TG: variants seen among roughly 807,000 people sequenced by gnomAD.
TG encodes thyroid hormones.
TG carries 270 observed loss-of-function variants against 324.7 expected under a neutral mutation model. The ratio of observed to expected loss-of-function variants is 0.83; its 90% CI spans 0.75 to 0.92. The LOEUF (loss-of-function observed/expected upper bound fraction) is 0.92, where lower values mean the gene tolerates loss of function less well. Ranked by LOEUF, TG falls within the 40% of genes least tolerant of loss-of-function variation. TG has a pLI of 0.00. For missense variants in TG, 3,591 were observed against 3,456.4 expected (o/e 1.04, Z -0.98); for synonymous variants, 1,401 against 1,327.0 (o/e 1.06, Z -1.21).
intron 23 of TG, among the ~76,000 whole-genome samples, chr8:132,929,716 G>A (rs1205937656): frequency 6.6e-6 from 1 of 152,180 alleles, no homozygotes; most frequent in East Asian, 1.9e-4. Flanking sequence ...AAAGCCTGCA[G>A]TCTTTTTTTG....
intron 22 of TG, among the ~76,000 whole-genome samples, chr8:132,925,226 A>G (rs1228536780): frequency 6.6e-6 from 1 of 152,228 alleles, no homozygotes; most frequent in African/African-American, 2.4e-5. Flanking sequence ...TCTTGGTTCC[A>G]TAGTTAGGAT....
rs762221625 is a variant in TG, at chr8:132,923,413, A to G, written c.4604A>G (p.Asp1535Gly). 3.4e-5 allele frequency: 55 copies of G among 1,614,014 alleles called. No homozygotes were observed. The East Asian group carries it at 1.2e-3, about 35-fold the overall frequency. ...GGCCAGTATCGAGCCAGCCAGAAGG[A>G]CAGGGGCAGTGGGAAGGCCTTCTGT... ...QNGQYRASQKDRGSGKAFCVD... is the reference protein window; with the variant it reads ...QNGQYRASQKGRGSGKAFCVD... The change falls in exon 22 of 48, where the codon GAC becomes GGC. Residue 1535 changes from aspartate (D) to glycine (G), a missense_variant. Coordinates refer to ENST00000220616, the MANE Select transcript of TG (RefSeq NM_003235.5).
intron 26 of TG, among the ~76,000 whole-genome samples, chr8:132,944,201 G>A (rs750462403): frequency 1.3e-5 from 2 of 152,096 alleles, no homozygotes; most frequent in Non-Finnish European, 2.9e-5. Context: ...ATTTCCTGTT[G>A]CTCTCTTATT....
At chr8:133,020,394 C>T (rs1003775006) in intron 39 of TG, among the ~76,000 whole-genome samples, 10 of 152,166 alleles carry the variant, frequency 6.6e-5, no homozygotes, top group African/African-American at 1.7e-4. Context: ...GTCGTTGAGG[C>T]GGGAGCTGAG....
chr8:133,022,711 C>T (rs571954191), intron 40 of TG, among the ~76,000 whole-genome samples: 3 of 152,308 alleles, frequency 2.0e-5, no homozygotes, highest in African/African-American at 7.2e-5. Context: ...CCACTGACTC[C>T]TAGGGCTGAA....
At chr8:132,930,935 C>T (rs1328732273) in intron 23 of TG, among the ~76,000 whole-genome samples, 3 of 152,138 alleles carry the variant, frequency 2.0e-5, no homozygotes, top group Admixed American at 6.5e-5. Flanking sequence ...CAGAGCAATC[C>T]AAGACAAGCA....
At chr8:133,013,461 T>C (rs1834708699) in intron 36 of TG, 139 bp from the exon 37 acceptor site, 1 of 1,031,000 alleles carries the variant, frequency 9.7e-7, no homozygotes, top group Non-Finnish European at 1.5e-6. Context: ...ACGGATGGAT[T>C]CATGGATGCA....
chr8:132,943,481 T>A lies in TG; in HGVS notation c.5233+1939T>A, dbSNP rs550082039. On this transcript the variant is annotated intron_variant, in intron 26 of 47. Coordinates refer to ENST00000220616, the MANE Select transcript of TG (RefSeq NM_003235.5). ...TATAAATTACCCGGCCTCAGGTATT[T>A]CTCTATAGCATTGCTAGAACAGCCA... 9.9e-5 allele frequency among the ~76,000 whole-genome samples: 15 copies of A among 152,238 alleles called. No individual in the cohort carries two copies. In the East Asian group the frequency reaches 2.9e-3, roughly 29 times the overall value.
At chr8:133,038,635 G>C (rs1195320865) in intron 41 of TG, 7 of 1,613,722 alleles carry the variant, frequency 4.3e-6, no homozygotes, top group Non-Finnish European at 5.1e-6. Flanking sequence ...TGTCCTCACT[G>C]GTCAGGGACA....
rs373776637 is a variant in TG, at chr8:133,096,393, C to T, written c.7572+20C>T. On this transcript the variant is annotated intron_variant, in intron 43 of 47. Transcript: ENST00000220616. ...GTGAAGGTAAGCAGGGAGGGGGCCT[C>T]GGATGTCTCCAGCTGGGCATTTCCT... The T allele has an allele frequency of 1.2e-4, 187 of 1,613,856 alleles. No individual in the cohort carries two copies. The African/African-American group carries it at 1.6e-3, about 14-fold the overall frequency.
intron 25 of TG, among the ~76,000 whole-genome samples, chr8:132,939,862 A>G (rs1368978451): frequency 6.6e-6 from 1 of 152,184 alleles, no homozygotes; most frequent in African/African-American, 2.4e-5. Context: ...TTGTTAGTAG[A>G]GACGGGGTTT....
chr8:133,051,453 C>T (rs182656254), intron 41 of TG, among the ~76,000 whole-genome samples: 1 of 152,064 alleles, frequency 6.6e-6, no homozygotes, highest in Admixed American at 6.6e-5. Flanking sequence ...GTTCTGAGGA[C>T]CCATTAGGAC....
At chr8:132,964,413 A>T (rs55988010) in intron 29 of TG, among the ~76,000 whole-genome samples, 2,074 of 152,184 alleles carry the variant, frequency 0.014, 57 homozygotes, top group African/African-American at 0.048. Flanking sequence ...CTGGAGAAAA[A>T]AATCACATTG....
intron 31 of TG, among the ~76,000 whole-genome samples, chr8:132,968,781 C>T (rs965686158): frequency 1.3e-5 from 2 of 152,190 alleles, no homozygotes; most frequent in Non-Finnish European, 1.5e-5. Flanking sequence ...CAACACCTGG[C>T]CTTGGGGCAC....
chr8:132,972,865 G>A (rs1397457568), intron 34 of TG, 124 bp downstream of exon 34: 8 of 1,324,926 alleles, frequency 6.0e-6, no homozygotes, highest in Non-Finnish European at 7.5e-6. Flanking sequence ...TCAAGCAACA[G>A]AAATAGATTC....
intron 41 of TG, among the ~76,000 whole-genome samples, chr8:133,046,749 G>T (rs531590904): frequency 5.9e-5 from 9 of 151,794 alleles, no homozygotes; most frequent in African/African-American, 1.9e-4. Context: ...CTTTTGCATT[G>T]ATCTTTCTGT....
intron 21 of TG, among the ~76,000 whole-genome samples, chr8:132,921,508 G>A (rs1448053413): frequency 6.6e-6 from 1 of 152,206 alleles, no homozygotes; most frequent in Non-Finnish European, 1.5e-5. Flanking sequence ...TACCAGGCCT[G>A]TGTTCTTAGA....
At chr8:133,031,659 G>T (rs1419169088) in intron 41 of TG, among the ~76,000 whole-genome samples, 1 of 152,172 alleles carries the variant, frequency 6.6e-6, no homozygotes, top group Non-Finnish European at 1.5e-5. Context: ...GAGGGTAGGA[G>T]AAGTGTCATT....
At chr8:133,129,377 C>G (rs1186699228) in intron 45 of TG, among the ~76,000 whole-genome samples, 5 of 152,232 alleles carry the variant, frequency 3.3e-5, no homozygotes, top group Non-Finnish European at 5.9e-5. Flanking sequence ...GTACACATTG[C>G]TTCCCAGCAC....
Sources: allele counts gnomAD v4.1 joint callset (sites outside exome capture counted in the v4.1 genomes callset), GRCh38; gene constraint gnomAD v4.1.1; transcripts MANE v1.5; gene names NCBI Gene and HGNC (gene_info 2026-07-23, HGNC 2026-07-21).